Variants in TCF25 observed in about 807,000 individuals in gnomAD.
TCF25 encodes ribosome quality control complex subunit TCF25.
In TCF25, 41 loss-of-function variants were observed where a neutral mutation model predicts 83.1. The ratio of observed to expected loss-of-function variants is 0.49; its 90% CI spans 0.38 to 0.64. The LOEUF is 0.64. Ranked by LOEUF, TCF25 falls within the 30% of genes least tolerant of loss-of-function variation. TCF25 has a pLI of 0.00. For synonymous variants in TCF25, 458 were observed against 365.0 expected, an observed-to-expected ratio of 1.25 and a Z score of -2.90; for missense variants, 979 against 914.5, an observed-to-expected ratio of 1.07 and a Z score of -0.91.
At chr16:89,891,593 C>T (rs2968483) in intron 5 of TCF25, among the ~76,000 whole-genome samples, 4 of 152,186 alleles carry the variant, frequency 2.6e-5, no homozygotes, top group Non-Finnish European at 5.9e-5. Flanking sequence ...GGGTCAGGCC[C>T]ACTCTAAGCA....
chr16:89,887,375 C>T (rs939426395), intron 4 of TCF25, among the ~76,000 whole-genome samples: 17 of 152,140 alleles, frequency 1.1e-4, no homozygotes, highest in African/African-American at 4.1e-4. Flanking sequence ...ACTGCCCCGA[C>T]TCAGCCTCAG....
In TCF25 at chr16:89,892,197, C is replaced by T. The variant is rs1030334971; in HGVS notation, c.619C>T (p.Arg207Trp). ...CCTGTGTCCCGTTCTCCCCAGGCCACGGCAGAGACAACGTGTGTACCCCAA... is the reference window on the plus strand; with the variant it reads ...CCTGTGTCCCGTTCTCCCCAGGCCATGGCAGAGACAACGTGTGTACCCCAA... ...ARAILGEQRP[R>W]QRQRVYPKCT... The change falls in exon 6 of 18, where the codon CGG (arginine) becomes TGG (tryptophan). Residue 207 changes from arginine (R) to tryptophan (W), a missense_variant. Physicochemically the swap from Arg to Trp is moderately radical, Grantham distance 101 (BLOSUM62 -3). Transcript: ENST00000263346. The T allele has an allele frequency of 4.3e-6, 7 of 1,609,292 alleles. No individual in the cohort carries two copies. The highest frequency in any genetic ancestry group is 4.0e-5 in the African/African-American group (3 of 74,754).
In TCF25 at chr16:89,884,651, G is replaced by A. The variant is rs1216961100; in HGVS notation, c.424G>A (p.Ala142Thr). The change falls in exon 3 of 18, where the codon GCA (alanine) becomes ACA (threonine). Residue 142 changes from alanine to threonine, a missense_variant. Physicochemically the swap from Ala to Thr is moderately conservative, Grantham distance 58. Transcript: ENST00000263346. ...QKNKKSSTGEASENGLEDIDR... is the reference protein window; with the variant it reads ...QKNKKSSTGETSENGLEDIDR... ...AAACAAGAAAAGCAGCACGGGAGAA[G>A]CATCGGTACGTGAGTTGGGCCTGGC... The A allele has an allele frequency of 2.5e-6, 4 of 1,612,176 alleles. No individual in the cohort carries two copies. The highest frequency in any genetic ancestry group is 3.4e-6 in the Non-Finnish European group (4 of 1,178,888).
At chr16:89,904,044 C>CT in intron 12 of TCF25, 74 bp from the exon 13 acceptor site, 1 of 1,469,116 alleles carries the variant, frequency 6.8e-7, no homozygotes. Flanking sequence ...CGCTGTGTCC[C>CT]TTACTGCCTT....
chr16:89,877,111 AATAAAT>A (rs796377957), intron 1 of TCF25, among the ~76,000 whole-genome samples: 1 of 143,878 alleles, frequency 7.0e-6, no homozygotes, highest in African/African-American at 2.9e-5. Flanking sequence ...CAAAAAAATA[AATAAAT>A]AAATAAATAA....
chr16:89,907,032 C>G (rs1014741417), intron 15 of TCF25, among the ~76,000 whole-genome samples: 9 of 152,100 alleles, frequency 5.9e-5, no homozygotes, highest in African/African-American at 2.2e-4. Context: ...TTCATCTCGA[C>G]TCCCGTGAGT....
chr16:89,906,776 C>G (rs962040057), intron 15 of TCF25, among the ~76,000 whole-genome samples: 1 of 152,180 alleles, frequency 6.6e-6, no homozygotes, highest in African/African-American at 2.4e-5. Context: ...TTAACTTCAG[C>G]TGCTCTGCGG....
At chr16:89,910,188 C>T (rs1019560635) in intron 16 of TCF25, 4 of 216,882 alleles carry the variant, frequency 1.8e-5, no homozygotes, top group Non-Finnish European at 3.7e-5. Context: ...CCCTTCGCAC[C>T]GTGAGGGTCT....
intron 1 of TCF25, among the ~76,000 whole-genome samples, chr16:89,880,111 CAT>C (rs758665632): frequency 4.6e-5 from 7 of 152,146 alleles, no homozygotes; most frequent in South Asian, 2.1e-4. Flanking sequence ...CCGGGCCTAT[CAT>C]GTGTGCTGTC....
chr16:89,892,314 G>T, intron 6 of TCF25, 39 bp downstream of exon 6: 1 of 1,586,724 alleles, frequency 6.3e-7, no homozygotes, highest in South Asian at 1.1e-5. Context: ...GGAGGGTTGG[G>T]GGGCGTTGTC....
At chr16:89,904,548 C>G (rs1490430310) in intron 13 of TCF25, 2 of 489,864 alleles carry the variant, frequency 4.1e-6, no homozygotes, top group Non-Finnish European at 7.5e-6. Context: ...CTGCTGCACT[C>G]CAGCCTGGGT....
chr16:89,911,194 G>T lies in TCF25; in HGVS notation c.1987G>T (p.Ala663Ser), dbSNP rs1370012470. 3 of 1,612,386 alleles carry T rather than the reference G, an allele frequency of 1.9e-6. No individual in the cohort carries two copies. In the African/African-American group the frequency reaches 4.0e-5, roughly 22 times the overall value. Residue 663 changes from alanine (A) to serine (S), a missense_variant, in exon 18 of 18, where the codon GCG becomes TCG. By Grantham distance (99) the Ala-to-Ser change is moderately conservative. Transcript: ENST00000263346. The part of the protein sequence containing the change: ...MANFHLNDLE[A>S]PHEDDAEGEG... ...CAACTTCCACCTCAACGACCTGGAGGCGCCGCACGAGGACGACGCTGAGGG... is the reference window on the plus strand; with the variant it reads ...CAACTTCCACCTCAACGACCTGGAGTCGCCGCACGAGGACGACGCTGAGGG...
In TCF25 at chr16:89,884,612, A is replaced by G; in HGVS notation, c.385A>G (p.Lys129Glu). Residue 129 changes from lysine to glutamate, a missense_variant, in exon 3 of 18, where the codon AAA (lysine) becomes GAA (glutamate). Physicochemically the swap from Lys to Glu is moderately conservative, Grantham distance 56. Transcript: ENST00000263346. ...SHASGKLRKKKKKQKNKKSST... is the reference protein window; with the variant it reads ...SHASGKLRKKEKKQKNKKSST... ...TGCAAGTGGCAAACTCCGGAAGAAGAAAAAAAAACAGAAAAACAAGAAAAG... is the reference window on the plus strand; with the variant it reads ...TGCAAGTGGCAAACTCCGGAAGAAGGAAAAAAAACAGAAAAACAAGAAAAG... 3 of 1,609,412 alleles carry G rather than the reference A, an allele frequency of 1.9e-6. No individual in the cohort carries two copies. The highest frequency in any genetic ancestry group is 1.1e-5 in the South Asian group (1 of 90,754).
At chr16:89,891,649 A>T (rs942206201) in intron 5 of TCF25, among the ~76,000 whole-genome samples, 1 of 152,204 alleles carries the variant, frequency 6.6e-6, no homozygotes, top group Non-Finnish European at 1.5e-5. Context: ...AGCATGGAAA[A>T]GGCATGGAGC....
At chr16:89,892,519 G>A (rs2043513452) in intron 6 of TCF25, among the ~76,000 whole-genome samples, 1 of 152,188 alleles carries the variant, frequency 6.6e-6, no homozygotes, top group African/African-American at 2.4e-5. Context: ...GCCACACTGA[G>A]GGCCTGAGTG....
rs1443150849 is a variant in TCF25, at chr16:89,906,231, C to T, written c.1666C>T (p.His556Tyr). 4 of 1,613,324 alleles carry T rather than the reference C, an allele frequency of 2.5e-6. No individual in the cohort carries two copies. The highest frequency in any genetic ancestry group is 4.5e-5 in the East Asian group (2 of 44,894). The change falls in exon 15 of 18, where the codon CAC becomes TAC. Residue 556 changes from histidine (H) to tyrosine (Y), a missense_variant. Physicochemically the swap from His to Tyr is moderately conservative, Grantham distance 83. Coordinates refer to ENST00000263346, the MANE Select transcript of TCF25 (RefSeq NM_014972.3). ...CTACCAGCGTGCACCCAGGAATATC[C>T]ACCGCCATGTGATCCTCTCTGAGAT... is the stretch of plus-strand genomic sequence containing the variant. ...VLYQRAPRNI[H>Y]RHVILSEIKE...
intron 1 of TCF25, 147 bp from the exon 2 acceptor site, chr16:89,883,204 C>A: frequency 1.9e-6 from 2 of 1,079,708 alleles, no homozygotes; most frequent in South Asian, 1.7e-5. Flanking sequence ...CCAACAGTCT[C>A]GGGTTCTTGC....
rs962501320 is a variant in TCF25 at position 89,909,165 on chromosome 16, T to C, written c.1800-1426T>C. On this transcript the variant is annotated intron_variant, in intron 16 of 17. Coordinates refer to ENST00000263346, the MANE Select transcript of TCF25 (RefSeq NM_014972.3). ...TTAGAATGTAGAAATAAACATAAAA[T>C]CAAAACTGCACCAGCCTGGCCAACA... is the stretch of plus-strand genomic sequence containing the variant. The C allele has an allele frequency of 2.3e-5, 29 of 1,275,314 alleles. No individual in the cohort carries two copies. The Admixed American group carries it at 2.3e-4, about 10-fold the overall frequency. 79.0% of individuals were successfully genotyped at this position (1,275,314 alleles called of 1,614,324 possible).
In TCF25 at chr16:89,898,855, C is replaced by T; in HGVS notation, c.1204C>T (p.Leu402Phe). Reference sequence around the variant, plus strand: ...CCGGAACTACGAGTACCTGATCCGCCTCTTCCAGGAGTGGGAGGTGGGTGC... The same window carrying T: ...CCGGAACTACGAGTACCTGATCCGCTTCTTCCAGGAGTGGGAGGTGGGTGC... Reference protein sequence around the residue: ...RARNYEYLIRLFQEWEAHRNL... With the variant: ...RARNYEYLIRFFQEWEAHRNL... Residue 402 changes from leucine (L) to phenylalanine (F), a missense_variant, in exon 11 of 18, where the codon CTC becomes TTC. Physicochemically the swap from Leu to Phe is conservative, Grantham distance 22. Transcript: ENST00000263346. The T allele has an allele frequency of 6.2e-7, 1 of 1,613,864 alleles. No homozygotes were observed. Among genetic ancestry groups the T allele is most frequent in the Admixed American group, 1.7e-5 (1 of 60,028 alleles).
Sources: allele counts gnomAD v4.1 joint callset (sites outside exome capture counted in the v4.1 genomes callset), GRCh38; gene constraint gnomAD v4.1.1; transcripts MANE v1.5; gene names NCBI Gene and HGNC (gene_info 2026-07-23, HGNC 2026-07-21).